B9D1: variants seen among roughly 807,000 people sequenced by gnomAD.
B9D1 encodes the protein B9 domain-containing protein 1.
A neutral mutation model predicts 26.1 loss-of-function variants in B9D1; 20 were observed. The ratio of observed to expected loss-of-function variants is 0.77; its 90% CI spans 0.54 to 1.12. The LOEUF (loss-of-function observed/expected upper bound fraction) is 1.12. B9D1 is among the 50% of genes most tolerant of loss of function. B9D1 has a pLI of 0.00. For synonymous variants in B9D1, 105 were observed against 103.1 expected (o/e 1.02, Z -0.11); for missense variants, 260 against 273.7 (o/e 0.95, Z 0.35).
At chr17:19,344,481 C>CA in intron 5 of B9D1, 1 of 276,718 alleles carries the variant, frequency 3.6e-6, no homozygotes, top group Middle Eastern at 4.4e-4. Context: ...GGCGGGAGGC[C>CA]AGGAGGCCGG....
chr17:19,347,224 A>G lies in B9D1; in HGVS notation c.404+45T>C, dbSNP rs1342619386. On this transcript the variant is annotated intron_variant, in intron 5 of 6. Transcript: ENST00000261499. The surrounding 1 kb of genome is among the most constrained non-coding windows in gnomAD (Gnocchi z 4.3). ...GAGGGGTAGAATGGGACATCCATTC[A>G]TCCAGTAGATCAGGAGGGGCTGGGG... is the stretch of plus-strand genomic sequence containing the variant. 1.9e-6 allele frequency: 3 copies of G among 1,614,122 alleles called. No homozygotes were observed. In the African/African-American group the frequency reaches 4.0e-5, roughly 22 times the overall value.
At chr17:19,360,808 G>A (rs1320768826) in intron 1 of B9D1, among the ~76,000 whole-genome samples, 1 of 152,224 alleles carries the variant, frequency 6.6e-6, no homozygotes, top group East Asian at 1.9e-4. Context: ...GTAGAGAAGA[G>A]ATTTAATGCC....
downstream of B9D1, chr17:19,337,664 T>A: frequency 2.6e-6 from 4 of 1,511,652 alleles, no homozygotes; most frequent in Non-Finnish European, 3.6e-6. Flanking sequence ...CCCGCGGAAG[T>A]TTCTCACAGA....
At chr17:19,353,263 C>T (rs1348285186) in intron 3 of B9D1, among the ~76,000 whole-genome samples, 2 of 152,006 alleles carry the variant, frequency 1.3e-5, no homozygotes, top group South Asian at 2.1e-4. Flanking sequence ...CATGAGCCAC[C>T]GTACCCAGCC....
chr17:19,363,050 C>T (rs117660470), upstream of B9D1: 4,521 of 199,910 alleles, frequency 0.023, 75 homozygotes, highest in Non-Finnish European at 0.037. Context: ...GGCCCCACCG[C>T]GAGGACGCGG....
chr17:19,335,863 T>TA (rs1298020833), downstream of B9D1: 34 of 157,836 alleles, frequency 2.2e-4, no homozygotes, highest in Admixed American at 1.4e-3. Context: ...CAGAAAAGAC[T>TA]TGCTTTTACC....
chr17:19,360,362 G>A lies in B9D1; in HGVS notation c.90C>T (p.Cys30=), dbSNP rs886052685. Residue 30 remains cysteine, a synonymous_variant, in exon 2 of 7, where the codon TGC becomes TGT. Transcript: ENST00000261499. ...AQFPEYDDLY[C]KYCFVYGQDW... The stretch of plus-strand genomic sequence containing the variant: ...CCTGGCCGTACACAAAGCAGTACTT[G>A]CAGTAGAGGTCATCATACTCTGGAA... 3 of 1,613,924 alleles carry A rather than the reference G, an allele frequency of 1.9e-6. No individual in the cohort carries two copies. The highest frequency in any genetic ancestry group is 4.5e-5 in the East Asian group (2 of 44,894).
Position 19,361,007 on chromosome 17 carries a change from CCTT to C in B9D1, c.64-622_64-620del, listed in dbSNP as rs2152276950. Among the ~76,000 whole-genome samples, 4 of 152,302 alleles carry C rather than the reference CCTT, an allele frequency of 2.6e-5. No individual in the cohort carries two copies. The South Asian group carries it at 8.3e-4, about 32-fold the overall frequency. On this transcript the variant is annotated intron_variant, in intron 1 of 6. Coordinates refer to ENST00000261499, the MANE Select transcript of B9D1 (RefSeq NM_015681.6). ...TCGCATGACCACGGGAGCTCCACCT[CCTT>C]GTCAGATCAGTGGCGGCATTAGATT... is the stretch of plus-strand genomic sequence containing the variant.
rs759620585 is a variant in B9D1 at position 19,347,374 on chromosome 17, C to A, written c.342-43G>T. On this transcript the variant is annotated intron_variant, in intron 4 of 6. Transcript: ENST00000261499. This position sits in a 1 kb window ranked among gnomAD's most constrained non-coding sequence, Gnocchi z 4.3. Reference sequence around the variant, plus strand: ...GCAGACAGAGATGCTGAGTAAGAGACCTTTCTGAGCCTCCAGGGAGAAGAA... The same window carrying A: ...GCAGACAGAGATGCTGAGTAAGAGAACTTTCTGAGCCTCCAGGGAGAAGAA... 2.8e-5 allele frequency: 45 copies of A among 1,605,114 alleles called. No homozygotes were observed. Among genetic ancestry groups the A allele is most frequent in the Middle Eastern group, 1.6e-4 (1 of 6,062 alleles).
At chr17:19,366,838 C>T (rs1444367596), upstream of B9D1, among the ~76,000 whole-genome samples, 1 of 152,106 alleles carries the variant, frequency 6.6e-6, no homozygotes, top group African/African-American at 2.4e-5. Context: ...CCTTGGGCCT[C>T]ACCTCACCCT....
At chr17:19,374,792 T>C (rs190608553) in intron 1 of B9D1, among the ~76,000 whole-genome samples, 212 of 152,366 alleles carry the variant, frequency 1.4e-3, no homozygotes, top group African/African-American at 5.0e-3. Flanking sequence ...TTAAAAACTT[T>C]TGTGGAACAG....
At chr17:19,337,471 CTG>C (rs934268297), downstream of B9D1, 10 of 482,716 alleles carry the variant, frequency 2.1e-5, no homozygotes, top group African/African-American at 7.7e-5. Flanking sequence ...CCTCTGCTCT[CTG>C]TGCAAGTGCC....
chr17:19,363,925 G>A (rs564266626), upstream of B9D1, among the ~76,000 whole-genome samples: 9 of 152,292 alleles, frequency 5.9e-5, no homozygotes, highest in Non-Finnish European at 1.2e-4. Context: ...GGGATGGGTG[G>A]GCTGGTGGCC....
upstream of B9D1, among the ~76,000 whole-genome samples, chr17:19,367,038 C>T (rs1284390965): frequency 1.3e-5 from 2 of 152,146 alleles, no homozygotes; most frequent in Non-Finnish European, 2.9e-5. Flanking sequence ...GGTCTCTGCA[C>T]TGTTACCTCT....
At chr17:19,367,249 T>C (rs893294579), upstream of B9D1, among the ~76,000 whole-genome samples, 7 of 152,162 alleles carry the variant, frequency 4.6e-5, no homozygotes, top group African/African-American at 1.7e-4. Flanking sequence ...GCACATGACG[T>C]TCTCAACAAT....
rs541883322 is a variant in B9D1 at position 19,353,967 on chromosome 17, T to A, written c.244+3873A>T. On this transcript the variant is annotated intron_variant, in intron 3 of 6. Coordinates refer to ENST00000261499, the MANE Select transcript of B9D1 (RefSeq NM_015681.6). ...AAAAATTAAATAAATAAATAAAAAT[T>A]AAAAATAAAATAAAATGACAAAATT... is the stretch of plus-strand genomic sequence containing the variant. 1.5e-3 allele frequency among the ~76,000 whole-genome samples: 227 copies of A among 152,188 alleles called. 3 individuals are homozygous for A. Among genetic ancestry groups the A allele is most frequent in the South Asian group, 1.0e-3 (5 of 4,822 alleles).
At chr17:19,362,752 A>G, upstream of B9D1, 3 of 1,195,700 alleles carry the variant, frequency 2.5e-6, no homozygotes, top group Non-Finnish European at 3.4e-6. Context: ...CGCCGTTATA[A>G]GGGGGCGGGG....
rs1037783717 is a variant in B9D1, at chr17:19,348,531, CCT to C, written c.245-653_245-652del. Among the ~76,000 whole-genome samples the C allele has an allele frequency of 9.2e-5, 14 of 152,260 alleles. No homozygotes were observed. In the East Asian group the frequency reaches 1.4e-3, roughly 15 times the overall value. On this transcript the variant is annotated intron_variant, in intron 3 of 6. Coordinates refer to ENST00000261499, the MANE Select transcript of B9D1 (RefSeq NM_015681.6). ...AGGCAAGTTAGCCAACCTCTCTGCC[CCT>C]GTTTCATCATCTCTAAAACACATGA...
intron 6 of B9D1, 53 bp from the exon 7 acceptor site, chr17:19,343,514 C>A: frequency 6.2e-7 from 1 of 1,612,506 alleles, no homozygotes; most frequent in Non-Finnish European, 8.5e-7. Context: ...GAGAGAGACC[C>A]AGGTTGATCT....
Sources: gnomAD v4.1 joint callset for allele counts (sites outside exome capture counted in the v4.1 genomes callset) on GRCh38, gnomAD v4.1.1 for gene constraint, Gnocchi (gnomAD v3.1) non-coding constraint, MANE v1.5 for transcripts, NCBI Gene and HGNC (gene_info 2026-07-23, HGNC 2026-07-21) for gene names.